The following SLC35F3 variants were observed in gnomAD, a reference collection of about 807,000 sequenced individuals.
SLC35F3 encodes solute carrier family 35 member F3, also known as putative thiamine transporter SLC35F3.
A neutral mutation model predicts 49.9 loss-of-function variants in SLC35F3; 25 were observed. The observed-to-expected ratio is 0.50, with a 90% CI of 0.37 to 0.70. The LOEUF (loss-of-function observed/expected upper bound fraction) is 0.70. Among genes scored for constraint, SLC35F3 ranks in the 30% least tolerant of loss-of-function variants. The pLI, the probability that SLC35F3 is intolerant of heterozygous loss-of-function variation, is 0.00. For synonymous variants in SLC35F3, 275 were observed against 265.4 expected, an observed-to-expected ratio of 1.04 and a Z score of -0.35; for missense variants, 525 against 639.8, an observed-to-expected ratio of 0.82 and a Z score of 1.94.
At chr1:234,279,331 T>C (rs1450009166) in intron 3 of SLC35F3, among the ~76,000 whole-genome samples, 1 of 152,224 alleles carries the variant, frequency 6.6e-6, no homozygotes, top group African/African-American at 2.4e-5. Context: ...AGTTCCCAGC[T>C]TGACTTTTCC....
At chr1:234,000,828 C>T (rs915675632) in intron 2 of SLC35F3, among the ~76,000 whole-genome samples, 2 of 152,144 alleles carry the variant, frequency 1.3e-5, no homozygotes, top group African/African-American at 4.8e-5. Context: ...GTTGGGGAAG[C>T]TAATTTCTTT....
At chr1:234,009,678 C>T (rs1663684573) in intron 2 of SLC35F3, among the ~76,000 whole-genome samples, 1 of 152,126 alleles carries the variant, frequency 6.6e-6, no homozygotes, top group Non-Finnish European at 1.5e-5. Context: ...CGTAAAGGAT[C>T]TATGTTACTC....
At chr1:233,985,985 T>C (rs1663260694) in intron 2 of SLC35F3, among the ~76,000 whole-genome samples, 1 of 152,212 alleles carries the variant, frequency 6.6e-6, no homozygotes, top group African/African-American at 2.4e-5. Context: ...AAAATTCTGC[T>C]TTTACTGCTT....
At chr1:234,034,791 G>A (rs1294914529) in intron 2 of SLC35F3, among the ~76,000 whole-genome samples, 1 of 152,160 alleles carries the variant, frequency 6.6e-6, no homozygotes, top group Non-Finnish European at 1.5e-5. Flanking sequence ...CCAAAGTGCT[G>A]GGATTATAGG....
At chr1:234,012,454 A>G (rs559843786) in intron 2 of SLC35F3, among the ~76,000 whole-genome samples, 10 of 152,168 alleles carry the variant, frequency 6.6e-5, no homozygotes, top group Non-Finnish European at 1.5e-4. Flanking sequence ...TCAAACTATC[A>G]CATGGGGAGA....
intron 2 of SLC35F3, among the ~76,000 whole-genome samples, chr1:233,950,847 GT>G (rs940257953): frequency 1.6e-3 from 235 of 151,554 alleles, no homozygotes; most frequent in South Asian, 0.012. Flanking sequence ...ACTTTTGTTG[GT>G]TTTTTTTCCC....
intron 2 of SLC35F3, among the ~76,000 whole-genome samples, chr1:234,005,762 T>C (rs777851575): frequency 2.6e-5 from 4 of 152,192 alleles, no homozygotes; most frequent in Non-Finnish European, 4.4e-5. Flanking sequence ...TTGCCATCTC[T>C]AAAGCCCAGA....
intron 3 of SLC35F3, among the ~76,000 whole-genome samples, chr1:234,234,000 GGA>G (rs1338491325): frequency 1.3e-5 from 2 of 152,028 alleles, no homozygotes; most frequent in Non-Finnish European, 2.9e-5. Flanking sequence ...TTCCTCAAAA[GGA>G]GAGAAAAATT....
At chr1:233,999,502 G>A (rs554374823) in intron 2 of SLC35F3, among the ~76,000 whole-genome samples, 2 of 152,140 alleles carry the variant, frequency 1.3e-5, no homozygotes, top group Non-Finnish European at 2.9e-5. Context: ...CTGCTGTTCC[G>A]TGTGGGGATT....
chr1:234,115,225 A>G (rs1028522298), intron 2 of SLC35F3, among the ~76,000 whole-genome samples: 2 of 152,158 alleles, frequency 1.3e-5, no homozygotes, highest in Non-Finnish European at 2.9e-5. Flanking sequence ...GGGACCTCAT[A>G]ATTCACTTTC....
chr1:234,035,334 A>G (rs1416959212), intron 2 of SLC35F3, among the ~76,000 whole-genome samples: 1 of 152,200 alleles, frequency 6.6e-6, no homozygotes, highest in Non-Finnish European at 1.5e-5. Flanking sequence ...TTAACATCCA[A>G]AATTGTTATT....
intron 2 of SLC35F3, among the ~76,000 whole-genome samples, chr1:234,098,346 G>A (rs943031366): frequency 6.6e-6 from 1 of 151,076 alleles, no homozygotes; most frequent in African/African-American, 2.4e-5. Context: ...GTTGGTGGTG[G>A]TGGTGGCAGT....
chr1:234,022,207 G>A lies in SLC35F3; in HGVS notation c.283+116449G>A, dbSNP rs16842418. Among the ~76,000 whole-genome samples the A allele has an allele frequency of 9.6e-3, 1,111 of 115,666 alleles. 14 individuals carry two copies. Among genetic ancestry groups the A allele is most frequent in the Admixed American group, 0.033 (371 of 11,412 alleles). 75.9% of individuals were successfully genotyped at this position (115,666 alleles called of 152,430 possible). ...GTTGCAGGCTGGAAGGCTAAGGTCCGGGGTCACTCCCTGTATTAGTCTGGG... is the reference window on the plus strand; with the variant it reads ...GTTGCAGGCTGGAAGGCTAAGGTCCAGGGTCACTCCCTGTATTAGTCTGGG... On this transcript the variant is annotated intron_variant, in intron 2 of 7. Coordinates refer to ENST00000366618, the MANE Select transcript of SLC35F3 (RefSeq NM_173508.4).
At chr1:234,300,005 G>T (rs1352186876) in intron 3 of SLC35F3, among the ~76,000 whole-genome samples, 1 of 150,336 alleles carries the variant, frequency 6.7e-6, no homozygotes, top group Non-Finnish European at 1.5e-5. Context: ...AAAATACAAT[G>T]AAGTTCACAT....
At chr1:234,154,026 C>T (rs1666114955) in intron 2 of SLC35F3, among the ~76,000 whole-genome samples, 1 of 151,218 alleles carries the variant, frequency 6.6e-6, no homozygotes, top group Non-Finnish European at 1.5e-5. Flanking sequence ...CACACCACTG[C>T]ACTCCAGCCT....
chr1:234,213,151 G>A (rs1423758469), intron 2 of SLC35F3: 1 of 152,198 alleles, frequency 6.6e-6, no homozygotes, highest in Non-Finnish European at 1.5e-5. Flanking sequence ...GGTAGGTGCT[G>A]AGCTAGGAAA....
At chr1:234,049,366 C>T (rs945220872) in intron 2 of SLC35F3, among the ~76,000 whole-genome samples, 6 of 152,114 alleles carry the variant, frequency 3.9e-5, no homozygotes, top group Non-Finnish European at 8.8e-5. Flanking sequence ...TCTCTCTTCT[C>T]TCTCTCTCCT....
intron 3 of SLC35F3, among the ~76,000 whole-genome samples, chr1:234,266,772 A>G (rs1415899593): frequency 1.3e-5 from 2 of 152,226 alleles, no homozygotes; most frequent in Non-Finnish European, 2.9e-5. Flanking sequence ...AGACATATCT[A>G]AACATAGAAA....
chr1:234,017,633 G>C (rs562510653), intron 2 of SLC35F3, among the ~76,000 whole-genome samples: 1 of 144,700 alleles, frequency 6.9e-6, no homozygotes, highest in South Asian at 2.3e-4. Flanking sequence ...AGAATGGCAT[G>C]AACCCATGAG....
Sources: gnomAD v4.1 joint callset for allele counts (sites outside exome capture counted in the v4.1 genomes callset) on GRCh38, gnomAD v4.1.1 for gene constraint, MANE v1.5 for transcripts, NCBI Gene and HGNC (gene_info 2026-07-23, HGNC 2026-07-21) for gene names.